MAP3K3: variants seen among roughly 807,000 people sequenced by gnomAD.
The protein encoded by MAP3K3 is MAP/ERK kinase kinase 3.
A neutral mutation model predicts 80.9 loss-of-function variants in MAP3K3; 12 were observed. The ratio of observed to expected loss-of-function variants is 0.15; its 90% CI spans 0.10 to 0.24. The LOEUF (loss-of-function observed/expected upper bound fraction) is 0.24. MAP3K3 is among the 10% of genes least tolerant of loss of function. The pLI is 1.00. For synonymous variants in MAP3K3, 272 were observed against 307.1 expected, an observed-to-expected ratio of 0.89 and a Z score of 1.19; for missense variants, 596 against 834.7, an observed-to-expected ratio of 0.71 and a Z score of 3.52.
chr17:63,654,110 C>T (rs992874837), intron 4 of MAP3K3, among the ~76,000 whole-genome samples: 4 of 152,166 alleles, frequency 2.6e-5, no homozygotes. Flanking sequence ...CTCAAGCGAT[C>T]TGCCTGCCTC....
At position 63,632,664 on chromosome 17, in the gene MAP3K3, GCT is replaced by G; in HGVS notation, c.5-12_5-11del. 1 of 1,613,408 alleles carries G rather than the reference GCT, an allele frequency of 6.2e-7. No homozygotes were observed. The highest frequency in any genetic ancestry group is 8.5e-7 in the Non-Finnish European group (1 of 1,179,836). On this transcript the variant is annotated splice_polypyrimidine_tract_variant and intron_variant, in intron 1 of 15. Coordinates refer to ENST00000361733, the MANE Select transcript of MAP3K3 (RefSeq NM_002401.5). Reference sequence around the variant, plus strand: ...TGTATTTAAGTGTCTTAGTCCATGTGCTCTCTTTCATTGCAGACGAACAGGAG... The same window carrying G: ...TGTATTTAAGTGTCTTAGTCCATGTGCTCTTTCATTGCAGACGAACAGGAG...
At chr17:63,636,065 T>C (rs2034317271) in intron 2 of MAP3K3, among the ~76,000 whole-genome samples, 1 of 152,122 alleles carries the variant, frequency 6.6e-6, no homozygotes, top group Admixed American at 6.5e-5. Context: ...TTCATGGAGC[T>C]CAAGCTTGGC....
In MAP3K3 at chr17:63,693,585, G is replaced by C. The variant is rs1568158360; in HGVS notation, c.1689G>C (p.Glu563Asp). ...GCACTGTGGTGGAGATGCTGACAGA[G>C]AAACCACCGTGGGCAGAGTATGAAG... Reference protein sequence around the residue: ...LGCTVVEMLTEKPPWAEYEAM... With the variant: ...LGCTVVEMLTDKPPWAEYEAM... The change falls in exon 16 of 16, where the codon GAG becomes GAC. Residue 563 changes from glutamate (E) to aspartate (D), a missense_variant. Coordinates refer to ENST00000361733, the MANE Select transcript of MAP3K3 (RefSeq NM_002401.5). The surrounding 1 kb of genome is among the most constrained non-coding windows in gnomAD (Gnocchi z 4.2). 6.2e-7 allele frequency: 1 copy of C among 1,607,880 alleles called. No individual in the cohort carries two copies. The highest frequency in any genetic ancestry group is 1.3e-5 in the African/African-American group (1 of 74,618).
chr17:63,641,334 C>T (rs1450841352), intron 2 of MAP3K3, among the ~76,000 whole-genome samples: 1 of 151,696 alleles, frequency 6.6e-6, no homozygotes, highest in Admixed American at 6.6e-5. Flanking sequence ...CCTCCACTTC[C>T]TGGGTTCAAG....
Position 63,691,975 on chromosome 17 carries a change from C to T in MAP3K3, c.1474+113C>T. The T allele has an allele frequency of 8.0e-7, 1 of 1,253,114 alleles. No homozygotes were observed. The highest frequency in any genetic ancestry group is 1.1e-6 in the Non-Finnish European group (1 of 890,692). The allele number at this position is 1,253,114 out of a possible 1,614,324, so 77.6% of individuals were successfully genotyped here. The stretch of plus-strand genomic sequence containing the variant: ...CTGAACTTTCTGAAAAGTGGGACCC[C>T]AGTTGTTTCCCTGAGGAACTGGTGA... On this transcript the variant is annotated intron_variant, in intron 14 of 15. Coordinates refer to ENST00000361733, the MANE Select transcript of MAP3K3 (RefSeq NM_002401.5). The surrounding 1 kb of genome is among the most constrained non-coding windows in gnomAD (Gnocchi z 4.8).
intron 2 of MAP3K3, among the ~76,000 whole-genome samples, chr17:63,640,330 G>A (rs370621293): frequency 6.6e-6 from 1 of 152,152 alleles, no homozygotes; most frequent in Non-Finnish European, 1.5e-5. Flanking sequence ...ACTAGTTTAG[G>A]AGAGTAGTTG....
chr17:63,686,917 T>G (rs2035462704), intron 8 of MAP3K3, among the ~76,000 whole-genome samples: 1 of 152,204 alleles, frequency 6.6e-6, no homozygotes, highest in Non-Finnish European at 1.5e-5. Flanking sequence ...CAGTCCCAGC[T>G]CCACCAAATA....
In MAP3K3 at chr17:63,671,333, GCA is replaced by G. The variant is rs1235741607; in HGVS notation, c.502+4274_502+4275del. On this transcript the variant is annotated intron_variant, in intron 6 of 15. Transcript: ENST00000361733. The stretch of plus-strand genomic sequence containing the variant: ...TGCAGTGGTGTGATCTCGGCTCACT[GCA>G]ACCTCCGCCTCCCGGGTTCAAACGA... Among the ~76,000 whole-genome samples the G allele has an allele frequency of 2.7e-5, 4 of 149,888 alleles. No homozygotes were observed. The East Asian group carries it at 7.8e-4, about 29-fold the overall frequency.
chr17:63,687,168 C>A (rs1293410667), intron 8 of MAP3K3, among the ~76,000 whole-genome samples: 1 of 150,452 alleles, frequency 6.6e-6, no homozygotes, highest in Non-Finnish European at 1.5e-5. Context: ...GAGTTTGAGA[C>A]CAGCCTGACC....
chr17:63,632,057 TCTTCA>T (rs2034227181), intron 1 of MAP3K3, among the ~76,000 whole-genome samples: 1 of 152,220 alleles, frequency 6.6e-6, no homozygotes. Context: ...TGTACTGTGT[TCTTCA>T]CTTCAATTTT....
At chr17:63,690,169 G>A (rs1403742769) in intron 11 of MAP3K3, 95 bp from the exon 12 acceptor site, 8 of 1,412,802 alleles carry the variant, frequency 5.7e-6, no homozygotes, top group Non-Finnish European at 7.7e-6. Context: ...GCTGGGTGAG[G>A]GGGAGCCTGA....
intron 5 of MAP3K3, among the ~76,000 whole-genome samples, chr17:63,658,522 C>G (rs60125561): frequency 0.016 from 2,384 of 152,288 alleles, 68 homozygotes; most frequent in African/African-American, 0.055. Flanking sequence ...CACAAGAATG[C>G]TTGCAATCTG....
chr17:63,632,933 T>A, intron 2 of MAP3K3, 131 bp downstream of exon 2: 2 of 1,228,178 alleles, frequency 1.6e-6, no homozygotes, highest in Non-Finnish European at 1.1e-6. Flanking sequence ...CACAGTCTGT[T>A]AAATGGGAAG....
At chr17:63,690,088 A>G in intron 11 of MAP3K3, 176 bp from the exon 12 acceptor site, 1 of 683,138 alleles carries the variant, frequency 1.5e-6, no homozygotes, top group South Asian at 1.9e-5. Flanking sequence ...CTCTGACTTC[A>G]GGTCCGAGTG....
chr17:63,693,822 AG>A lies in MAP3K3; in HGVS notation c.*50del. 2 of 1,522,426 alleles carry A rather than the reference AG, an allele frequency of 1.3e-6. No individual in the cohort carries two copies. Among genetic ancestry groups the A allele is most frequent in the East Asian group, 2.4e-5 (1 of 42,272 alleles). The allele number at this position is 1,522,426 out of a possible 1,614,324, so 94.3% of individuals were successfully genotyped here. A position where few individuals can be genotyped will look rare whatever the true frequency, so the allele number is the denominator to read the frequency against. ...TGCCGGTCGCCCTTTGCTGCATGGC[AG>A]GGGGCTGCTGCTGGGCTCAGTGAAG... On this transcript the variant is annotated 3_prime_UTR_variant, in exon 16 of 16. Coordinates refer to ENST00000361733, the MANE Select transcript of MAP3K3 (RefSeq NM_002401.5). The surrounding 1 kb of genome is among the most constrained non-coding windows in gnomAD (Gnocchi z 4.2).
chr17:63,657,716 A>T, intron 4 of MAP3K3, 78 bp from the exon 5 acceptor site: 6 of 621,866 alleles, frequency 9.6e-6, no homozygotes, highest in Admixed American at 2.8e-5. Flanking sequence ...TTTTTTGTTT[A>T]TTTTATTTCT....
chr17:63,654,513 CT>C (rs1254181498), intron 4 of MAP3K3, among the ~76,000 whole-genome samples: 2 of 152,002 alleles, frequency 1.3e-5, no homozygotes, highest in Non-Finnish European at 2.9e-5. Flanking sequence ...TTAAATAGTG[CT>C]GCTATGAGCA....
intron 8 of MAP3K3, 58 bp from the exon 9 acceptor site, chr17:63,688,469 C>G: frequency 7.2e-7 from 1 of 1,388,926 alleles, no homozygotes; most frequent in Non-Finnish European, 1.0e-6. Flanking sequence ...GCCTGGACGC[C>G]CTGCTTGGTT....
intron 2 of MAP3K3, among the ~76,000 whole-genome samples, chr17:63,635,168 G>A (rs1463591277): frequency 2.6e-5 from 4 of 152,012 alleles, no homozygotes; most frequent in Non-Finnish European, 4.4e-5. Context: ...CTATTGTATT[G>A]GACAGCATGA....
Sources: gnomAD v4.1 joint callset for allele counts (sites outside exome capture counted in the v4.1 genomes callset) on GRCh38, gnomAD v4.1.1 for gene constraint, Gnocchi (gnomAD v3.1) non-coding constraint, MANE v1.5 for transcripts, NCBI Gene and HGNC (gene_info 2026-07-23, HGNC 2026-07-21) for gene names.